LIMA1: variants seen among roughly 807,000 people sequenced by gnomAD.
LIMA1 encodes the protein LIM domain and actin-binding protein 1.
A neutral mutation model predicts 62.6 loss-of-function variants in LIMA1; 52 were observed. That is an observed-to-expected ratio of 0.83 (90% confidence interval 0.67 to 1.05). The LOEUF (loss-of-function observed/expected upper bound fraction) is 1.05. Ranked by LOEUF, LIMA1 falls within the 50% of genes least tolerant of loss-of-function variation. The pLI is 0.00. For missense variants in LIMA1, 780 were observed against 902.2 expected (o/e 0.86, Z 1.74); for synonymous variants, 302 against 317.8 (o/e 0.95, Z 0.53).
intron 10 of LIMA1, among the ~76,000 whole-genome samples, chr12:50,179,160 T>C (rs1940429977): frequency 1.3e-5 from 2 of 150,398 alleles, no homozygotes; most frequent in Admixed American, 1.3e-4. Flanking sequence ...ATTGTTTTGT[T>C]TTGTTAGAGT....
At chr12:50,263,855 G>GAGTATATATATATATATATATAA (rs1417428226) in intron 1 of LIMA1, among the ~76,000 whole-genome samples, 5 of 101,868 alleles carry the variant, frequency 4.9e-5, no homozygotes, top group Non-Finnish European at 1.0e-4. Flanking sequence ...TATATATAGA[G>GAGTATATATATATATATATATAA]AGTATATATA....
Position 50,227,891 on chromosome 12 carries a change from C to T in LIMA1, c.165+3774G>A, listed in dbSNP as rs561187890. ...TTTTTGAGACGGAGTCTCGCTCTGT[C>T]ACCCAGGCTGGAGTGTGGAGTGCAG... On this transcript the variant is annotated intron_variant, in intron 3 of 10. Transcript: ENST00000341247. Among the ~76,000 whole-genome samples, 3 of 147,442 alleles carry T rather than the reference C, an allele frequency of 2.0e-5. No individual in the cohort carries two copies. In the South Asian group the frequency reaches 6.4e-4, roughly 32 times the overall value.
chr12:50,231,667 T>G lies in LIMA1; in HGVS notation c.163A>C (p.Ser55Arg). ...AEETNMEKKR[S>R]NTENLSQHFR... is the part of the protein sequence containing the mutation. ...CCCTGGAATTTCTGAATACTTACACTTCTCTTCTTCTCCATGTTTGTTTCT... is the reference window on the plus strand; with the variant it reads ...CCCTGGAATTTCTGAATACTTACACGTCTCTTCTTCTCCATGTTTGTTTCT... Residue 55 changes from serine (S) to arginine (R), a missense_variant and splice_region_variant, in exon 3 of 11, where the codon AGT (serine) becomes CGT (arginine). Ser to Arg is a moderately radical substitution (Grantham distance 110, BLOSUM62 -1). Transcript: ENST00000341247. The G allele has an allele frequency of 6.2e-7, 1 of 1,614,040 alleles. No individual in the cohort carries two copies. Among genetic ancestry groups the G allele is most frequent in the Non-Finnish European group, 8.5e-7 (1 of 1,179,882 alleles).
chr12:50,258,742 G>A (rs1449105432), intron 1 of LIMA1, among the ~76,000 whole-genome samples: 1 of 149,308 alleles, frequency 6.7e-6, no homozygotes, highest in Non-Finnish European at 1.5e-5. Flanking sequence ...CTGCCTCCCG[G>A]CTTCAAGCCA....
At chr12:50,226,039 A>T (rs1432661769) in intron 3 of LIMA1, among the ~76,000 whole-genome samples, 1 of 151,794 alleles carries the variant, frequency 6.6e-6, no homozygotes, top group Non-Finnish European at 1.5e-5. Context: ...TATCTATTTT[A>T]TTTATTTATT....
chr12:50,240,672 A>G (rs1941764870), intron 2 of LIMA1, among the ~76,000 whole-genome samples: 1 of 152,156 alleles, frequency 6.6e-6, no homozygotes, highest in South Asian at 2.1e-4. Flanking sequence ...AATGCTAGCC[A>G]TGTTAACTAA....
chr12:50,255,476 C>G (rs1009732159), intron 1 of LIMA1, among the ~76,000 whole-genome samples: 4 of 150,026 alleles, frequency 2.7e-5, no homozygotes, highest in African/African-American at 9.8e-5. Flanking sequence ...GTCACTTGAG[C>G]CTAGAGGTTA....
chr12:50,235,045 A>G (rs1389533467), intron 2 of LIMA1, among the ~76,000 whole-genome samples: 2 of 151,954 alleles, frequency 1.3e-5, no homozygotes, highest in African/African-American at 4.8e-5. Flanking sequence ...CAATTCTCCT[A>G]CCTCAGCCTT....
At chr12:50,201,177 T>G in intron 6 of LIMA1, 3 of 1,099,216 alleles carry the variant, frequency 2.7e-6, no homozygotes, top group Non-Finnish European at 3.3e-6. Context: ...CATACAACAT[T>G]CTTGTGATTC....
intron 10 of LIMA1, 49 bp downstream of exon 10, chr12:50,181,855 C>T (rs1592491813): frequency 6.2e-7 from 1 of 1,606,674 alleles, no homozygotes; most frequent in Non-Finnish European, 8.5e-7. Context: ...CCAAAGACTC[C>T]CTCTAGAGTT....
At chr12:50,233,424 C>G (rs921084329) in intron 2 of LIMA1, among the ~76,000 whole-genome samples, 1 of 152,158 alleles carries the variant, frequency 6.6e-6, no homozygotes, top group Non-Finnish European at 1.5e-5. Flanking sequence ...TGTTCTCAGC[C>G]AAATGGTTGA....
chr12:50,177,421 A>C lies in LIMA1; in HGVS notation c.1923T>G (p.Ala641=), dbSNP rs139830234. 1.9e-6 allele frequency: 3 copies of C among 1,614,090 alleles called. No homozygotes were observed. The highest frequency in any genetic ancestry group is 2.5e-6 in the Non-Finnish European group (3 of 1,180,026). Residue 641 remains alanine (A), a synonymous_variant, in exon 11 of 11, where the codon GCT becomes GCG. Coordinates refer to ENST00000341247, the MANE Select transcript of LIMA1 (RefSeq NM_016357.5). The part of the protein sequence containing the change: ...AERKQVENAK[A]SKKNGNVGKT... ...TTCCCACATTCCCATTCTTCTTAGAAGCCTTGGCATTTTCCACTTGTTTCC... is the reference window on the plus strand; with the variant it reads ...TTCCCACATTCCCATTCTTCTTAGACGCCTTGGCATTTTCCACTTGTTTCC...
At chr12:50,195,979 T>A (rs1041979007) in intron 7 of LIMA1, 92 bp from the exon 8 acceptor site, 2 of 1,326,118 alleles carry the variant, frequency 1.5e-6, no homozygotes, top group African/African-American at 3.0e-5. Flanking sequence ...CATAAAAACC[T>A]GCTGACTCCA....
intron 2 of LIMA1, among the ~76,000 whole-genome samples, chr12:50,245,552 CAT>C (rs796241180): frequency 3.3e-5 from 5 of 151,836 alleles, no homozygotes; most frequent in African/African-American, 1.2e-4. Flanking sequence ...CATTTAGACA[CAT>C]GTGTTAGAAT....
chr12:50,176,733 T>C lies in LIMA1; in HGVS notation c.*331A>G, dbSNP rs1592484598. ...GTGTGTAACAATATACTACTAATCA[T>C]CTGTCTACCTTAATATTGCCTTTTG... On this transcript the variant is annotated 3_prime_UTR_variant, in exon 11 of 11. Transcript: ENST00000341247. The C allele has an allele frequency of 4.7e-6, 1 of 213,536 alleles. No individual in the cohort carries two copies. The highest frequency in any genetic ancestry group is 1.1e-4 in the East Asian group (1 of 9,282). The allele number at this position is 213,536 out of a possible 1,614,324, so 13.2% of individuals were successfully genotyped here.
At chr12:50,231,634 G>A (rs1238780065) in intron 3 of LIMA1, 31 bp downstream of exon 3, 1 of 1,609,758 alleles carries the variant, frequency 6.2e-7, no homozygotes, top group East Asian at 2.2e-5. Flanking sequence ...CTCAAGAAGT[G>A]CCACATGCCC....
intron 1 of LIMA1, among the ~76,000 whole-genome samples, chr12:50,264,366 T>C (rs967664588): frequency 9.9e-5 from 15 of 152,208 alleles, no homozygotes; most frequent in Admixed American, 2.0e-4. Context: ...GTATGGTATA[T>C]AATTTTTCAA....
At chr12:50,224,896 ATT>A (rs773474227) in intron 3 of LIMA1, among the ~76,000 whole-genome samples, 10 of 104,840 alleles carry the variant, frequency 9.5e-5, no homozygotes, top group African/African-American at 2.9e-4. Context: ...CATGCCTGGC[ATT>A]TTTTTTTTTT....
In LIMA1 at chr12:50,239,138, G is replaced by A. The variant is rs573513397; in HGVS notation, c.120-7428C>T. 2.6e-5 allele frequency among the ~76,000 whole-genome samples: 4 copies of A among 152,064 alleles called. No homozygotes were observed. In the East Asian group the frequency reaches 7.7e-4, roughly 29 times the overall value. On this transcript the variant is annotated intron_variant, in intron 2 of 10. Transcript: ENST00000341247. ...AAAACAGACATAATATCTGCTCTCC[G>A]ATGCTTACAATTTAGACACTAAAAA...
Sources: gnomAD v4.1 joint callset for allele counts (sites outside exome capture counted in the v4.1 genomes callset) on GRCh38, gnomAD v4.1.1 for gene constraint, MANE v1.5 for transcripts, NCBI Gene and HGNC (gene_info 2026-07-23, HGNC 2026-07-21) for gene names.